The following PAPLN variants were observed in gnomAD, a reference collection of about 807,000 sequenced individuals.
PAPLN encodes papilin.
A neutral mutation model predicts 159.0 loss-of-function variants in PAPLN; 146 were observed. The ratio of observed to expected loss-of-function variants is 0.92; its 90% CI spans 0.80 to 1.05. The LOEUF (loss-of-function observed/expected upper bound fraction) is 1.05, where lower values mean the gene tolerates loss of function less well. Among genes scored for constraint, PAPLN ranks in the 50% least tolerant of loss-of-function variants. The pLI, the probability that PAPLN is intolerant of heterozygous loss-of-function variation, is 0.00. For synonymous variants in PAPLN, 734 were observed against 702.9 expected (o/e 1.04, Z -0.70); for missense variants, 1,720 against 1,743.9 (o/e 0.99, Z 0.24).
intron 2 of PAPLN, chr14:73,242,753 T>C (rs1189818603): frequency 6.6e-6 from 1 of 152,246 alleles, no homozygotes; most frequent in Non-Finnish European, 1.5e-5. Context: ...AAGGAGTAGA[T>C]ATTTTACAAA....
At chr14:73,237,450 A>AGGGTGAGGCCAGGCAGCGGC (rs1352230352), upstream of PAPLN, 2 of 152,282 alleles carry the variant, frequency 1.3e-5, no homozygotes, top group African/African-American at 4.8e-5. Context: ...GGCGGGGTGG[A>AGGGTGAGGCCAGGCAGCGGC]GGGTGAGGCC....
chr14:73,261,165 ACC>A lies in PAPLN; in HGVS notation c.2118_2119del (p.His707ProfsTer8), dbSNP rs765672312. ...SRAVASTVHN[T>X]HQPQAQQNEP... ...TGGGTTTCCTCCCCAGGTCCACAAC[ACC>A]CACCAGCCCCAGGCCCAGCAGAATG... On this transcript the variant is annotated frameshift_variant, in exon 18 of 27. Coordinates refer to ENST00000644200, the MANE Select transcript of PAPLN (RefSeq NM_001365906.3). LOFTEE classifies it high-confidence loss of function. The A allele has an allele frequency of 2.7e-4, 433 of 1,613,586 alleles. 1 individual carries two copies. The highest frequency in any genetic ancestry group is 3.3e-4 in the Middle Eastern group (2 of 6,082).
At position 73,245,814 on chromosome 14, in the gene PAPLN, TC is replaced by T; in HGVS notation, c.231+121del. 1 of 1,305,826 alleles carries T rather than the reference TC, an allele frequency of 7.7e-7. No individual in the cohort carries two copies. Among genetic ancestry groups the T allele is most frequent in the African/African-American group, 1.5e-5 (1 of 68,348 alleles). The allele number at this position is 1,305,826 out of a possible 1,614,324, so 80.9% of individuals were successfully genotyped here. Reference sequence around the variant, plus strand: ...GCTGGGTTGGCCCAGCCTGGGGTCCTCCCGCCAATCCACAGCAGGGCTGCGT... The same window carrying T: ...GCTGGGTTGGCCCAGCCTGGGGTCCTCCGCCAATCCACAGCAGGGCTGCGT... On this transcript the variant is annotated intron_variant, in intron 4 of 26. Transcript: ENST00000644200. This position sits in a 1 kb window ranked among gnomAD's most constrained non-coding sequence, Gnocchi z 4.2.
At chr14:73,236,619 C>A (rs1415713494), upstream of PAPLN, among the ~76,000 whole-genome samples, 2 of 152,028 alleles carry the variant, frequency 1.3e-5, no homozygotes, top group Non-Finnish European at 2.9e-5. Context: ...GAGTTGGAGA[C>A]CAGTCTGGCC....
At chr14:73,269,688 A>G (rs910625198) in intron 26 of PAPLN, among the ~76,000 whole-genome samples, 3 of 152,216 alleles carry the variant, frequency 2.0e-5, no homozygotes, top group Non-Finnish European at 4.4e-5. Flanking sequence ...TCACGGAGGG[A>G]CTGAAGACAG....
chr14:73,251,793 G>A lies in PAPLN; in HGVS notation c.800G>A (p.Arg267Gln), dbSNP rs999416886. Residue 267 changes from arginine (R) to glutamine (Q), a missense_variant, in exon 9 of 27, where the codon CGA becomes CAA. Physicochemically the swap from Arg to Gln is conservative, Grantham distance 43. Transcript: ENST00000644200. ...GCTGAGGGGGACCTGGCCCCTGAGC[G>A]ACTCCATGCCCGGGGCCCCACCTCG... ...RGAEGDLAPE[R>Q]LHARGPTSEP... is the part of the protein sequence containing the mutation. 35 of 1,605,986 alleles carry A rather than the reference G, an allele frequency of 2.2e-5. No homozygotes were observed. Among genetic ancestry groups the A allele is most frequent in the African/African-American group, 8.1e-5 (6 of 74,414 alleles).
Position 73,265,399 on chromosome 14 carries a change from T to C in PAPLN, c.3155T>C (p.Val1052Ala). 6.2e-7 allele frequency: 1 copy of C among 1,611,524 alleles called. No homozygotes were observed. Among genetic ancestry groups the C allele is most frequent in the Non-Finnish European group, 8.5e-7 (1 of 1,179,940 alleles). ...CGTTTGGACCAGAACCAGCCCCGGG[T>C]GGTGGATGCCAGTCCAGGCCAGCGG... ...RLRLDQNQPR[V>A]VDASPGQRIR... is the part of the protein sequence containing the mutation. Residue 1052 changes from valine (V) to alanine (A), a missense_variant, in exon 23 of 27, where the codon GTG becomes GCG. Val to Ala is a moderately conservative substitution (Grantham distance 64). Coordinates refer to ENST00000644200, the MANE Select transcript of PAPLN (RefSeq NM_001365906.3). This position sits in a 1 kb window ranked among gnomAD's most constrained non-coding sequence, Gnocchi z 4.1.
rs1240309914 is a variant in PAPLN at position 73,265,996 on chromosome 14, A to G, written c.3263+489A>G. On this transcript the variant is annotated intron_variant, in intron 23 of 26. Transcript: ENST00000644200. The surrounding 1 kb of genome is among the most constrained non-coding windows in gnomAD (Gnocchi z 4.1). ...AGCAAAAACTAGAAACCCAAACCGAAATTTTGTATCAGAAAACTTGAAATG... is the reference window on the plus strand; with the variant it reads ...AGCAAAAACTAGAAACCCAAACCGAGATTTTGTATCAGAAAACTTGAAATG... 6.6e-6 allele frequency among the ~76,000 whole-genome samples: 1 copy of G among 152,190 alleles called. No individual in the cohort carries two copies. Among genetic ancestry groups the G allele is most frequent in the East Asian group, 1.9e-4 (1 of 5,204 alleles).
chr14:73,260,011 C>T (rs189911136), intron 16 of PAPLN, among the ~76,000 whole-genome samples: 22 of 152,302 alleles, frequency 1.4e-4, no homozygotes, highest in African/African-American at 5.3e-4. Flanking sequence ...CTATGGCCTG[C>T]CCTGAACGCA....
chr14:73,242,878 AT>A (rs1248756286), intron 2 of PAPLN: 1 of 152,262 alleles, frequency 6.6e-6, no homozygotes, highest in Non-Finnish European at 1.5e-5. Flanking sequence ...GGGTTTTGTT[AT>A]AAGACAAGGA....
chr14:73,266,911 T>C, intron 25 of PAPLN, 80 bp downstream of exon 25: 1 of 1,324,228 alleles, frequency 7.6e-7, no homozygotes, highest in Non-Finnish European at 1.1e-6. Context: ...CTGCCAGGGA[T>C]GTCACTGTCA....
At position 73,245,531 on chromosome 14, in the gene PAPLN, C is replaced by T. The variant is rs1884133542; in HGVS notation, c.171-105C>T. 24 of 1,277,424 alleles carry T rather than the reference C, an allele frequency of 1.9e-5. No homozygotes were observed. The South Asian group carries it at 3.0e-4, about 16-fold the overall frequency. The allele number at this position is 1,277,424 out of a possible 1,614,324, so 79.1% of individuals were successfully genotyped here. ...CGGGGGACACCCTCTCACCTTGCTG[C>T]TCCCACTGGAGAGTCCCGCAGAAGT... On this transcript the variant is annotated intron_variant, in intron 3 of 26. Coordinates refer to ENST00000644200, the MANE Select transcript of PAPLN (RefSeq NM_001365906.3). This position sits in a 1 kb window ranked among gnomAD's most constrained non-coding sequence, Gnocchi z 4.2.
rs1884281202 is a variant in PAPLN, at chr14:73,246,176, G to T, written c.334+1G>T. The T allele has an allele frequency of 7.6e-6, 12 of 1,574,954 alleles. No homozygotes were observed. The highest frequency in any genetic ancestry group is 1.0e-5 in the Non-Finnish European group (12 of 1,165,170). On this transcript the variant is annotated splice_donor_variant, in intron 5 of 26. Transcript: ENST00000644200. LOFTEE classifies it high-confidence loss of function. ...TATCGGTGGCTGCCCTACTACAGCG[G>T]TGAGCGCGGCCGGGACTCGCTCTCT...
rs773021463 is a variant in PAPLN at position 73,254,580 on chromosome 14, T to C, written c.1370T>C (p.Leu457Ser). Reference sequence around the variant, plus strand: ...ACTTGCCGGGGTGAAAGGGGTTCTTTGCTCCATACCGCAGCGTGCTCCTTG... The same window carrying C: ...ACTTGCCGGGGTGAAAGGGGTTCTTCGCTCCATACCGCAGCGTGCTCCTTG... ...SVTCRGERGS[L>S]LHTAACSLED... The change falls in exon 13 of 27, where the codon TTG becomes TCG. Residue 457 changes from leucine (L) to serine (S), a missense_variant. Transcript: ENST00000644200. 1 of 1,614,068 alleles carries C rather than the reference T, an allele frequency of 6.2e-7. No homozygotes were observed. The highest frequency in any genetic ancestry group is 1.7e-5 in the Admixed American group (1 of 60,016).
intron 23 of PAPLN, 28 bp from the exon 24 acceptor site, chr14:73,266,473 G>A: frequency 1.2e-6 from 2 of 1,611,818 alleles, no homozygotes; most frequent in East Asian, 4.5e-5. Context: ...CCTTGGGCTG[G>A]AGCCAACTGG....
intron 26 of PAPLN, among the ~76,000 whole-genome samples, chr14:73,270,919 T>G (rs1263768135): frequency 1.3e-5 from 2 of 152,182 alleles, no homozygotes; most frequent in Non-Finnish European, 2.9e-5. Flanking sequence ...ACATTGAATT[T>G]CAGTGTTAGC....
chr14:73,239,719 C>G (rs1413036843), intron 1 of PAPLN, 54 bp from the exon 2 acceptor site: 7 of 1,535,470 alleles, frequency 4.6e-6, no homozygotes, highest in Non-Finnish European at 6.1e-6. Flanking sequence ...CTCGCCCGCG[C>G]CCAGGACAGC....
chr14:73,266,868 C>A, intron 25 of PAPLN, 37 bp downstream of exon 25: 2 of 1,554,486 alleles, frequency 1.3e-6, no homozygotes, highest in Non-Finnish European at 1.8e-6. Flanking sequence ...TGTCCCCAGA[C>A]CTTCACAACC....
rs751836481 is a variant in PAPLN at position 73,252,057 on chromosome 14, T to C, written c.883T>C (p.Tyr295His). 1 of 1,612,448 alleles carries C rather than the reference T, an allele frequency of 6.2e-7. No individual in the cohort carries two copies. The change falls in exon 10 of 27, where the codon TAC (tyrosine) becomes CAC (histidine). Residue 295 changes from tyrosine to histidine, a missense_variant. Coordinates refer to ENST00000644200, the MANE Select transcript of PAPLN (RefSeq NM_001365906.3). Reference sequence around the variant, plus strand: ...GCCCAACCCCGGTGTGCACTATGAGTACCACCTGCCCCTGCGCCGCCCCAG... The same window carrying C: ...GCCCAACCCCGGTGTGCACTATGAGCACCACCTGCCCCTGCGCCGCCCCAG... ...QEPNPGVHYE[Y>H]HLPLRRPSPG...
Sources: allele counts gnomAD v4.1 joint callset (sites outside exome capture counted in the v4.1 genomes callset), GRCh38; gene constraint gnomAD v4.1.1; non-coding constraint Gnocchi (gnomAD v3.1); transcripts MANE v1.5; gene names NCBI Gene and HGNC (gene_info 2026-07-23, HGNC 2026-07-21).